The following FSIP1 variants were observed in gnomAD, a reference collection of about 807,000 sequenced individuals.
FSIP1 encodes fibrous sheath-interacting protein 1.
A neutral mutation model predicts 60.9 loss-of-function variants in FSIP1; 65 were observed. The ratio of observed to expected loss-of-function variants is 1.07; its 90% CI spans 0.87 to 1.31. FSIP1 has a LOEUF of 1.31. FSIP1 is among the 40% of genes most tolerant of loss of function. The pLI, the probability that FSIP1 is intolerant of heterozygous loss-of-function variation, is 0.00. For missense variants in FSIP1, 675 were observed against 665.5 expected, an observed-to-expected ratio of 1.01 and a Z score of -0.16; for synonymous variants, 209 against 221.2, an observed-to-expected ratio of 0.94 and a Z score of 0.49.
chr15:39,639,600 C>A (rs1892278963), intron 10 of FSIP1, among the ~76,000 whole-genome samples: 1 of 152,152 alleles, frequency 6.6e-6, no homozygotes, highest in Non-Finnish European at 1.5e-5. Context: ...TCTCATGAGT[C>A]CTGTGACTCT....
chr15:39,702,884 T>A (rs1169747537), intron 10 of FSIP1, among the ~76,000 whole-genome samples: 1 of 151,812 alleles, frequency 6.6e-6, no homozygotes, highest in East Asian at 1.9e-4. Flanking sequence ...TGTTAAAACC[T>A]AACTAGTCGT....
intron 10 of FSIP1, among the ~76,000 whole-genome samples, chr15:39,618,701 G>T (rs1236731285): frequency 6.6e-6 from 1 of 152,226 alleles, no homozygotes; most frequent in African/African-American, 2.4e-5. Context: ...TATTTGGGGA[G>T]AATGATTTGA....
chr15:39,607,958 T>C (rs915576860), intron 11 of FSIP1, among the ~76,000 whole-genome samples: 7 of 152,228 alleles, frequency 4.6e-5, no homozygotes, highest in African/African-American at 1.7e-4. Flanking sequence ...AAAGGGCTTT[T>C]TGTCAAGAAA....
intron 10 of FSIP1, among the ~76,000 whole-genome samples, chr15:39,709,286 T>C (rs746180059): frequency 1.3e-5 from 2 of 152,326 alleles, no homozygotes; most frequent in South Asian, 2.1e-4. Context: ...GGATGTTCCA[T>C]TGCAGGAGGC....
intron 10 of FSIP1, among the ~76,000 whole-genome samples, chr15:39,700,025 C>T (rs907237110): frequency 1.3e-5 from 2 of 152,180 alleles, no homozygotes; most frequent in Non-Finnish European, 2.9e-5. Flanking sequence ...CTGCAGAAAG[C>T]CTGATTCAAG....
rs547052585 is a variant in FSIP1 at position 39,753,139 on chromosome 15, G to C, written c.559+10682C>G. 1.1e-4 allele frequency among the ~76,000 whole-genome samples: 17 copies of C among 152,182 alleles called. No individual in the cohort carries two copies. In the South Asian group the frequency reaches 3.5e-3, roughly 32 times the overall value. ...GCCAAAATTGACTCCAGAATAGCTA[G>C]TAACCTGAAATAGAATAGCAAATAT... On this transcript the variant is annotated intron_variant, in intron 5 of 11. Coordinates refer to ENST00000350221, the MANE Select transcript of FSIP1 (RefSeq NM_152597.5).
At chr15:39,659,541 CAAA>C (rs911774566) in intron 10 of FSIP1, among the ~76,000 whole-genome samples, 2 of 61,786 alleles carry the variant, frequency 3.2e-5, no homozygotes, top group African/African-American at 5.5e-5. Context: ...GACTCCTCCT[CAAA>C]AAAAAAAAAA....
chr15:39,702,838 C>T (rs1453918027), intron 10 of FSIP1, among the ~76,000 whole-genome samples: 1 of 151,898 alleles, frequency 6.6e-6, no homozygotes, highest in Non-Finnish European at 1.5e-5. Context: ...TACCAATGAA[C>T]TTTAAAAACC....
chr15:39,634,152 G>A (rs556120586), intron 10 of FSIP1, among the ~76,000 whole-genome samples: 31 of 152,196 alleles, frequency 2.0e-4, no homozygotes, highest in East Asian at 7.7e-4. Flanking sequence ...TCTCTTTTGC[G>A]TCACTGCTTT....
intron 10 of FSIP1, among the ~76,000 whole-genome samples, chr15:39,634,178 A>G (rs1450966169): frequency 6.6e-6 from 1 of 151,972 alleles, no homozygotes; most frequent in Non-Finnish European, 1.5e-5. Context: ...TCTCTACTGG[A>G]TTTTTCCCAT....
intron 10 of FSIP1, among the ~76,000 whole-genome samples, chr15:39,630,647 A>G (rs1273434649): frequency 6.6e-6 from 1 of 152,220 alleles, no homozygotes; most frequent in Admixed American, 6.5e-5. Context: ...CATTCTCCAC[A>G]TTGAACAGAT....
At chr15:39,611,486 C>A (rs1197687364) in intron 11 of FSIP1, among the ~76,000 whole-genome samples, 1 of 151,888 alleles carries the variant, frequency 6.6e-6, no homozygotes, top group East Asian at 1.9e-4. Context: ...TGATGGTAAA[C>A]ACAAATAAAA....
chr15:39,654,932 T>C (rs986329950), intron 10 of FSIP1, among the ~76,000 whole-genome samples: 2 of 152,228 alleles, frequency 1.3e-5, no homozygotes, highest in African/African-American at 4.8e-5. Context: ...ACGTGTCTTC[T>C]GGAAAAAGAC....
intron 8 of FSIP1, among the ~76,000 whole-genome samples, chr15:39,732,014 T>C (rs934435558): frequency 1.3e-5 from 2 of 152,296 alleles, no homozygotes; most frequent in Admixed American, 6.5e-5. Context: ...AATTATTCCA[T>C]GGACTGGGGG....
intron 10 of FSIP1, among the ~76,000 whole-genome samples, chr15:39,626,246 A>T (rs1891633481): frequency 6.6e-6 from 1 of 152,222 alleles, no homozygotes; most frequent in Admixed American, 6.5e-5. Flanking sequence ...TCACAATTGA[A>T]GAGAAGGTAT....
At chr15:39,617,154 T>G (rs1286024977) in intron 11 of FSIP1, among the ~76,000 whole-genome samples, 2 of 152,220 alleles carry the variant, frequency 1.3e-5, no homozygotes, top group Non-Finnish European at 2.9e-5. Flanking sequence ...TTTAAATAGA[T>G]TCACCAATTG....
intron 10 of FSIP1, among the ~76,000 whole-genome samples, chr15:39,625,664 C>T (rs1891609538): frequency 6.6e-6 from 1 of 152,196 alleles, no homozygotes. Context: ...CTATCACTTC[C>T]TTTCCCGAAA....
rs1893336310 is a variant in FSIP1, at chr15:39,662,476, A to G, written c.1189-44231T>C. Reference sequence around the variant, plus strand: ...AGCAGGTAAGATGTTTTGAAGTAACAGATGTTCTGGAAATTAAGGATATGT... The same window carrying G: ...AGCAGGTAAGATGTTTTGAAGTAACGGATGTTCTGGAAATTAAGGATATGT... On this transcript the variant is annotated intron_variant, in intron 10 of 11. Transcript: ENST00000350221. 2.0e-5 allele frequency among the ~76,000 whole-genome samples: 3 copies of G among 152,302 alleles called. No homozygotes were observed. The South Asian group carries it at 6.2e-4, about 32-fold the overall frequency.
chr15:39,644,781 G>T (rs1378294921), intron 10 of FSIP1, among the ~76,000 whole-genome samples: 1 of 152,030 alleles, frequency 6.6e-6, no homozygotes, highest in East Asian at 1.9e-4. Flanking sequence ...CTGTTTTATA[G>T]CTGGCATCTC....
Sources: allele counts gnomAD v4.1 joint callset (sites outside exome capture counted in the v4.1 genomes callset), GRCh38; gene constraint gnomAD v4.1.1; transcripts MANE v1.5; gene names NCBI Gene and HGNC (gene_info 2026-07-23, HGNC 2026-07-21).